Variants in MARCHF4 observed in about 807,000 individuals in gnomAD.
MARCHF4 encodes E3 ubiquitin-protein ligase MARCHF4.
MARCHF4 carries 14 observed loss-of-function variants against 43.9 expected under a neutral mutation model. The ratio of observed to expected loss-of-function variants is 0.32; its 90% CI spans 0.21 to 0.50. The LOEUF is 0.50. Among genes scored for constraint, MARCHF4 ranks in the 20% least tolerant of loss-of-function variants. The probability of loss-of-function intolerance (pLI) is 0.98; values close to 1 mark genes in which losing one functional copy is unlikely to be tolerated. For synonymous variants in MARCHF4, 226 were observed against 213.3 expected, an observed-to-expected ratio of 1.06 and a Z score of -0.52; for missense variants, 468 against 536.7, an observed-to-expected ratio of 0.87 and a Z score of 1.27.
chr2:216,274,622 C>A (rs932537984), intron 3 of MARCHF4, among the ~76,000 whole-genome samples: 1 of 152,194 alleles, frequency 6.6e-6, no homozygotes, highest in African/African-American at 2.4e-5. Context: ...CCCCAAGAAC[C>A]TGTTTGTGGA....
chr2:216,314,547 T>C (rs1255693486), intron 1 of MARCHF4, among the ~76,000 whole-genome samples: 1 of 151,556 alleles, frequency 6.6e-6, no homozygotes, highest in Non-Finnish European at 1.5e-5. Context: ...GGTCCTGAAC[T>C]CCTGGCCTTA....
At chr2:216,318,442 A>G (rs1361163309) in intron 1 of MARCHF4, among the ~76,000 whole-genome samples, 2 of 152,152 alleles carry the variant, frequency 1.3e-5, no homozygotes, top group African/African-American at 4.8e-5. Flanking sequence ...CAAAATATAT[A>G]TGGGAGGGGG....
chr2:216,296,327 C>A (rs1390535699), intron 1 of MARCHF4, among the ~76,000 whole-genome samples: 2 of 152,210 alleles, frequency 1.3e-5, no homozygotes, highest in Non-Finnish European at 2.9e-5. Flanking sequence ...GTCTGGGCGA[C>A]AGAGCGAGAC....
At chr2:216,327,966 AAAAAG>A (rs1692022370) in intron 1 of MARCHF4, among the ~76,000 whole-genome samples, 1 of 151,840 alleles carries the variant, frequency 6.6e-6, no homozygotes, top group African/African-American at 2.4e-5. Flanking sequence ...GCAAAAAAAA[AAAAAG>A]AAAAGAAAAA....
intron 3 of MARCHF4, among the ~76,000 whole-genome samples, chr2:216,276,794 CCCACCTCCTTAGCTGCTTGGA>C (rs1409089353): frequency 6.6e-6 from 1 of 152,116 alleles, no homozygotes; most frequent in Non-Finnish European, 1.5e-5. Context: ...CCAGCGCTTC[CCCACCTCCTTAGCTGCTTGGA>C]CCATATCTTC....
Position 216,259,668 on chromosome 2 carries a change from G to C in MARCHF4, c.877C>G (p.His293Asp). The change falls in exon 4 of 4, where the codon CAT becomes GAT. Residue 293 changes from histidine (H) to aspartate (D), a missense_variant. His to Asp is a moderately conservative substitution (Grantham distance 81, BLOSUM62 -1). This residue lies in a region of MARCHF4 where 158 missense variants were observed against 251.1 expected (regional missense o/e 0.63). Coordinates refer to ENST00000273067, the MANE Select transcript of MARCHF4 (RefSeq NM_020814.3). ...MDVVCIGLIIHEGPSVYRIFK... is the reference protein window; with the variant it reads ...MDVVCIGLIIDEGPSVYRIFK... ...ATGCGGTACACCGAGGGTCCTTCAT[G>C]GATGATGAGACCTGAGGCAGCAGGG... 6.2e-7 allele frequency: 1 copy of C among 1,613,604 alleles called. No homozygotes were observed. Among genetic ancestry groups the C allele is most frequent in the South Asian group, 1.1e-5 (1 of 91,066 alleles).
intron 3 of MARCHF4, among the ~76,000 whole-genome samples, chr2:216,274,991 C>T (rs1229403712): frequency 6.6e-6 from 1 of 152,214 alleles, no homozygotes; most frequent in Non-Finnish European, 1.5e-5. Context: ...GGTCCCTCTG[C>T]ATTCCCTCTC....
At chr2:216,294,196 C>T (rs1236662952) in intron 1 of MARCHF4, among the ~76,000 whole-genome samples, 2 of 152,212 alleles carry the variant, frequency 1.3e-5, no homozygotes, top group Non-Finnish European at 2.9e-5. Flanking sequence ...GAAATCAAGC[C>T]AAGGCAAAGG....
At chr2:216,353,945 G>T (rs1462291548) in intron 1 of MARCHF4, among the ~76,000 whole-genome samples, 2 of 152,206 alleles carry the variant, frequency 1.3e-5, no homozygotes, top group Admixed American at 1.3e-4. Flanking sequence ...TGGAAGATAA[G>T]GAAGCTTCTG....
chr2:216,260,261 T>C (rs182688291), intron 3 of MARCHF4, among the ~76,000 whole-genome samples: 1 of 152,356 alleles, frequency 6.6e-6, no homozygotes, highest in East Asian at 1.9e-4. Context: ...TGTGTGCCTA[T>C]TGTGTGCCAA....
At position 216,354,949 on chromosome 2, in the gene MARCHF4, T is replaced by TTCTTTC. The variant is rs1314380597; in HGVS notation, c.516+14790_516+14795dup. On this transcript the variant is annotated intron_variant, in intron 1 of 3. Coordinates refer to ENST00000273067, the MANE Select transcript of MARCHF4 (RefSeq NM_020814.3). ...TTTCTTTCTTTCTTTCTTTCTTTCT[T>TTCTTTC]TCTTTCTTTCTTTCTTTCTTTCTTT... is the stretch of plus-strand genomic sequence containing the variant. Among the ~76,000 whole-genome samples, 23 of 144,908 alleles carry TTCTTTC rather than the reference T, an allele frequency of 1.6e-4. 1 individual carries two copies. Among genetic ancestry groups the TTCTTTC allele is most frequent in the African/African-American group, 5.5e-4 (21 of 38,290 alleles).
At chr2:216,369,069 C>T (rs140520283) in intron 1 of MARCHF4, among the ~76,000 whole-genome samples, 1 of 152,338 alleles carries the variant, frequency 6.6e-6, no homozygotes, top group Non-Finnish European at 1.5e-5. Flanking sequence ...TTGCCTACGT[C>T]AGTCTCTTAA....
chr2:216,346,148 A>G (rs538052866), intron 1 of MARCHF4, among the ~76,000 whole-genome samples: 1 of 152,280 alleles, frequency 6.6e-6, no homozygotes, highest in South Asian at 2.1e-4. Context: ...TCCCAATTTT[A>G]GCATTGTAAG....
intron 1 of MARCHF4, among the ~76,000 whole-genome samples, chr2:216,288,242 G>A (rs569884887): frequency 6.6e-6 from 1 of 152,360 alleles, no homozygotes; most frequent in Admixed American, 6.5e-5. Context: ...AGGGATTACA[G>A]GCGTGAGCCA....
At chr2:216,325,444 T>C (rs1210108377) in intron 1 of MARCHF4, among the ~76,000 whole-genome samples, 3 of 152,302 alleles carry the variant, frequency 2.0e-5, no homozygotes, top group Admixed American at 6.5e-5. Flanking sequence ...ATGACTTTCT[T>C]CACAGAATTG....
At chr2:216,316,227 C>T (rs534552745) in intron 1 of MARCHF4, among the ~76,000 whole-genome samples, 1 of 152,326 alleles carries the variant, frequency 6.6e-6, no homozygotes, top group East Asian at 1.9e-4. Context: ...TGTGAAATGT[C>T]AGGCATGATT....
chr2:216,326,241 C>A (rs889727592), intron 1 of MARCHF4, among the ~76,000 whole-genome samples: 2 of 152,080 alleles, frequency 1.3e-5, no homozygotes, highest in Non-Finnish European at 2.9e-5. Context: ...CAGAGAAATG[C>A]AAATCAAAAC....
intron 1 of MARCHF4, among the ~76,000 whole-genome samples, chr2:216,288,771 C>A (rs960339370): frequency 3.2e-4 from 49 of 152,056 alleles, no homozygotes; most frequent in Non-Finnish European, 6.6e-4. Flanking sequence ...CCGCTCACTG[C>A]AGTGGGAGAC....
chr2:216,355,437 A>G (rs530227671), intron 1 of MARCHF4, among the ~76,000 whole-genome samples: 2 of 152,314 alleles, frequency 1.3e-5, no homozygotes, highest in African/African-American at 4.8e-5. Flanking sequence ...TCACTGGATT[A>G]TTTTGAAGCA....
Sources: allele counts gnomAD v4.1 joint callset (sites outside exome capture counted in the v4.1 genomes callset), GRCh38; gene constraint gnomAD v4.1.1; regional missense constraint gnomAD v4.1.1; transcripts MANE v1.5; gene names NCBI Gene and HGNC (gene_info 2026-07-23, HGNC 2026-07-21).